The following ELOA variants were observed in gnomAD, a reference collection of about 807,000 sequenced individuals.
ELOA encodes elongin-A.
ELOA carries 15 observed loss-of-function variants against 85.2 expected under a neutral mutation model. The ratio of observed to expected loss-of-function variants is 0.18; its 90% CI spans 0.12 to 0.27. The LOEUF (loss-of-function observed/expected upper bound fraction) is 0.27, where lower values mean the gene tolerates loss of function less well. Among genes scored for constraint, ELOA ranks in the 10% least tolerant of loss-of-function variants. The probability of loss-of-function intolerance (pLI) is 1.00; values close to 1 mark genes in which losing one functional copy is unlikely to be tolerated. For missense variants in ELOA, 769 were observed against 952.7 expected (o/e 0.81, Z 2.54); for synonymous variants, 348 against 357.2 (o/e 0.97, Z 0.29).
At position 23,754,036 on chromosome 1, in the gene ELOA, AGG is replaced by A. The variant is rs1247656593; in HGVS notation, c.1538-60_1538-59del. On this transcript the variant is annotated intron_variant, in intron 5 of 10. Coordinates refer to ENST00000613537, the MANE Select transcript of ELOA (RefSeq NM_003198.3). Reference sequence around the variant, plus strand: ...TTGGGAAAGGGAAGTAGGAGGCTGAAGGGGGTAGAAGGAGAGTTTTCACTGGA... The same window carrying A: ...TTGGGAAAGGGAAGTAGGAGGCTGAAGGGTAGAAGGAGAGTTTTCACTGGA... 2.5e-6 allele frequency: 4 copies of A among 1,571,648 alleles called. No homozygotes were observed. In the East Asian group the frequency reaches 9.0e-5, roughly 35 times the overall value.
At chr1:23,756,432 G>A (rs959040990) in intron 9 of ELOA, 47 bp downstream of exon 9, 13 of 1,503,340 alleles carry the variant, frequency 8.6e-6, no homozygotes, top group Non-Finnish European at 1.2e-5. Context: ...TCAACCCTTA[G>A]AGGTAGCCAT....
chr1:23,750,170 CTTTTTTTTTTTT>C (rs747972246), intron 3 of ELOA, among the ~76,000 whole-genome samples: 1 of 90,536 alleles, frequency 1.1e-5, no homozygotes, highest in South Asian at 4.1e-4. Flanking sequence ...TGGTACGTTT[CTTTTTTTTTTTT>C]TTTTTTTTTT....
Position 23,756,384 on chromosome 1 carries a change from A to G in ELOA, c.2083A>G (p.Lys695Glu). The G allele has an allele frequency of 6.4e-7, 1 of 1,567,806 alleles. No individual in the cohort carries two copies. Among genetic ancestry groups the G allele is most frequent in the Non-Finnish European group, 8.7e-7 (1 of 1,155,588 alleles). ...TGGAAVPEKIKIKPAPYPMGS... is the reference protein window; with the variant it reads ...TGGAAVPEKIEIKPAPYPMGS... ...AGGAGCAGCTGTCCCTGAGAAAATCAAGTAAGATCTGTGTTCTTACCTGGC... is the reference window on the plus strand; with the variant it reads ...AGGAGCAGCTGTCCCTGAGAAAATCGAGTAAGATCTGTGTTCTTACCTGGC... Residue 695 changes from lysine (K) to glutamate (E), a missense_variant and splice_region_variant, in exon 9 of 11, where the codon AAG (lysine) becomes GAG (glutamate). Physicochemically the swap from Lys to Glu is moderately conservative, Grantham distance 56. Transcript: ENST00000613537.
At chr1:23,757,563 A>G (rs758228369) in intron 10 of ELOA, among the ~76,000 whole-genome samples, 27 of 152,146 alleles carry the variant, frequency 1.8e-4, no homozygotes, top group Non-Finnish European at 2.8e-4. Flanking sequence ...CAGTGGCACA[A>G]TCTCAGCTCA....
intron 3 of ELOA, among the ~76,000 whole-genome samples, chr1:23,750,336 C>T (rs921908506): frequency 3.3e-5 from 5 of 151,852 alleles, no homozygotes; most frequent in Non-Finnish European, 7.4e-5. Flanking sequence ...CCACCACGCC[C>T]GGCTAATTTT....
chr1:23,749,555 T>A (rs1285054052), intron 2 of ELOA, among the ~76,000 whole-genome samples: 1 of 152,162 alleles, frequency 6.6e-6, no homozygotes, highest in East Asian at 1.9e-4. Context: ...CTTCACAGGG[T>A]TATTGTAAAG....
Position 23,760,066 on chromosome 1 carries a change from A to G in ELOA, c.*493A>G, listed in dbSNP as rs1160837187. 5 of 163,544 alleles carry G rather than the reference A, an allele frequency of 3.1e-5. No homozygotes were observed. The highest frequency in any genetic ancestry group is 1.2e-4 in the Admixed American group (2 of 16,540). 10.1% of individuals were successfully genotyped at this position (163,544 alleles called of 1,614,324 possible). A position where few individuals can be genotyped will look rare whatever the true frequency, so the allele number is the denominator to read the frequency against. On this transcript the variant is annotated 3_prime_UTR_variant, in exon 11 of 11. Transcript: ENST00000613537. ...TCCAGACAGAGGACTGGGCATCTCCAGAGCCTGCACAGTACCTGCTGCACG... is the reference window on the plus strand; with the variant it reads ...TCCAGACAGAGGACTGGGCATCTCCGGAGCCTGCACAGTACCTGCTGCACG...
At chr1:23,747,120 A>G (rs1644750532) in intron 1 of ELOA, among the ~76,000 whole-genome samples, 1 of 152,116 alleles carries the variant, frequency 6.6e-6, no homozygotes, top group Non-Finnish European at 1.5e-5. Context: ...TCATCCTTAT[A>G]TGTTGGCTTT....
intron 1 of ELOA, among the ~76,000 whole-genome samples, chr1:23,748,071 G>T (rs926431879): frequency 4.6e-5 from 7 of 152,204 alleles, no homozygotes; most frequent in Non-Finnish European, 8.8e-5. Context: ...GAGCAAGTAG[G>T]AATTGGCTGA....
chr1:23,746,122 C>G (rs955051362), intron 1 of ELOA, among the ~76,000 whole-genome samples: 1 of 151,478 alleles, frequency 6.6e-6, no homozygotes, highest in African/African-American at 2.4e-5. Flanking sequence ...AACCCCTTCT[C>G]TACTAAAAGT....
Position 23,751,377 on chromosome 1 carries a change from A to G in ELOA, c.772A>G (p.Lys258Glu). The part of the protein sequence containing the change: ...SHKDKRPVDA[K>E]SDEKASVVSR... ...CAAGGACAAACGCCCCGTGGATGCC[A>G]AGAGTGATGAGAAGGCCTCTGTGGT... The change falls in exon 4 of 11, where the codon AAG (lysine) becomes GAG (glutamate). Residue 258 changes from lysine to glutamate, a missense_variant. Lys to Glu is a moderately conservative substitution (Grantham distance 56). This residue lies in a region of ELOA where 440 missense variants were observed against 474.0 expected (regional missense o/e 0.93). Coordinates refer to ENST00000613537, the MANE Select transcript of ELOA (RefSeq NM_003198.3). The G allele has an allele frequency of 2.5e-6, 4 of 1,614,222 alleles. No individual in the cohort carries two copies. The highest frequency in any genetic ancestry group is 3.4e-6 in the Non-Finnish European group (4 of 1,180,038).
Position 23,751,331 on chromosome 1 carries a change from C to T in ELOA, c.726C>T (p.Asn242=). 6.2e-7 allele frequency: 1 copy of T among 1,614,184 alleles called. No individual in the cohort carries two copies. The change falls in exon 4 of 11, where the codon AAC becomes AAT. Residue 242 remains asparagine (N), a synonymous_variant. Coordinates refer to ENST00000613537, the MANE Select transcript of ELOA (RefSeq NM_003198.3). The stretch of plus-strand genomic sequence containing the variant: ...ATGGGAAAGGGGTTGTGAGTCAAAA[C>T]AAGGAGCACAAATCTTCCCACAAGG... ...EPHGKGVVSQ[N]KEHKSSHKDK...
At chr1:23,754,023 A>G in intron 5 of ELOA, 77 bp from the exon 6 acceptor site, 1 of 1,532,778 alleles carries the variant, frequency 6.5e-7, no homozygotes, top group Non-Finnish European at 8.8e-7. Context: ...GGGAAAGGGA[A>G]GTAGGAGGCT....
At chr1:23,749,553 G>C (rs79449132) in intron 2 of ELOA, among the ~76,000 whole-genome samples, 1 of 152,082 alleles carries the variant, frequency 6.6e-6, no homozygotes, top group African/African-American at 2.4e-5. Flanking sequence ...TGCTTCACAG[G>C]GTTATTGTAA....
chr1:23,743,612 G>A, intron 1 of ELOA, 34 bp downstream of exon 1: 1 of 1,462,908 alleles, frequency 6.8e-7, no homozygotes. Context: ...CGGGATGGGC[G>A]TTGGGTCGGT....
At chr1:23,759,148 C>T (rs1638253944) in intron 10 of ELOA, among the ~76,000 whole-genome samples, 1 of 152,264 alleles carries the variant, frequency 6.6e-6, no homozygotes. Context: ...TGTGCCAATG[C>T]ACCCTAGCCA....
chr1:23,757,811 GAAAAAAA>G (rs575030502), intron 10 of ELOA, among the ~76,000 whole-genome samples: 14 of 108,452 alleles, frequency 1.3e-4, no homozygotes, highest in South Asian at 3.1e-4. Flanking sequence ...CCTGTCTCTG[GAAAAAAA>G]AAAAAAAAAA....
intron 1 of ELOA, among the ~76,000 whole-genome samples, chr1:23,745,449 T>G (rs147475778): frequency 2.1e-3 from 321 of 152,332 alleles, no homozygotes; most frequent in African/African-American, 7.3e-3. Context: ...TATTAGTTGA[T>G]TTGCATGAAA....
At position 23,751,497 on chromosome 1, in the gene ELOA, G is replaced by T. The variant is rs520713; in HGVS notation, c.892G>T (p.Val298Leu). 6.2e-7 allele frequency: 1 copy of T among 1,614,090 alleles called. No homozygotes were observed. The highest frequency in any genetic ancestry group is 8.5e-7 in the Non-Finnish European group (1 of 1,180,044). Residue 298 changes from valine to leucine, a missense_variant, in exon 4 of 11, where the codon GTA becomes TTA. Around this residue, in one of 4 missense-constraint regions of ELOA, gnomAD observed 440 missense variants for 474.0 expected, o/e 0.93. Transcript: ENST00000613537. ...NAREKPPSSG[V>L]KKEKDREGSS... ...AAGGGAGAAACCGCCCTCTAGTGGC[G>T]TAAAGAAAGAGAAGGACAGAGAGGG...
Sources: gnomAD v4.1 joint callset for allele counts (sites outside exome capture counted in the v4.1 genomes callset) on GRCh38, gnomAD v4.1.1 for gene constraint, gnomAD v4.1.1 regional missense constraint, MANE v1.5 for transcripts, NCBI Gene and HGNC (gene_info 2026-07-23, HGNC 2026-07-21) for gene names.